Variants in GRID2 observed in about 807,000 individuals in gnomAD.
GRID2 encodes the protein glutamate ionotropic receptor delta type subunit 2.
A neutral mutation model predicts 114.8 loss-of-function variants in GRID2; 33 were observed. The ratio of observed to expected loss-of-function variants is 0.29; its 90% CI spans 0.22 to 0.38. The LOEUF (loss-of-function observed/expected upper bound fraction) is 0.38. Among genes scored for constraint, GRID2 ranks in the 10% least tolerant of loss-of-function variants. The pLI is 1.00. For missense variants in GRID2, 1,184 were observed against 1,257.7 expected (o/e 0.94, Z 0.89); for synonymous variants, 505 against 449.9 (o/e 1.12, Z -1.55).
chr4:93,156,750 G>A (rs950524202), intron 4 of GRID2, among the ~76,000 whole-genome samples: 1 of 151,668 alleles, frequency 6.6e-6, no homozygotes, highest in African/African-American at 2.4e-5. Context: ...GTAGACAGTT[G>A]AATGTATGAA....
chr4:93,669,016 A>G lies in GRID2; in HGVS notation c.2360+42581A>G, dbSNP rs1163047844. ...TATAGTAGGTACAAAATAGTTTGGC[A>G]TGCTTAGTAAGTGATATCTCATGAG... is the stretch of plus-strand genomic sequence containing the variant. On this transcript the variant is annotated intron_variant, in intron 14 of 15. Coordinates refer to ENST00000282020, the MANE Select transcript of GRID2 (RefSeq NM_001510.4). Among the ~76,000 whole-genome samples the G allele has an allele frequency of 3.3e-5, 5 of 152,162 alleles. 1 individual carries two copies. In the South Asian group the frequency reaches 8.3e-4, roughly 25 times the overall value.
intron 2 of GRID2, among the ~76,000 whole-genome samples, chr4:92,734,463 T>A (rs958199950): frequency 1.4e-4 from 22 of 151,966 alleles, no homozygotes; most frequent in Non-Finnish European, 2.5e-4. Context: ...TTTTCCTTTT[T>A]TATAAAGATA....
intron 1 of GRID2, among the ~76,000 whole-genome samples, chr4:93,792,291 C>G (rs1294558943): frequency 6.6e-6 from 1 of 152,074 alleles, no homozygotes; most frequent in Non-Finnish European, 1.5e-5. Context: ...ATGCCTGTTC[C>G]TACTGAAAGT....
chr4:92,539,197 A>G (rs1725804599), intron 1 of GRID2, among the ~76,000 whole-genome samples: 1 of 152,184 alleles, frequency 6.6e-6, no homozygotes, highest in Non-Finnish European at 1.5e-5. Flanking sequence ...GATAGATAAC[A>G]TAACACAATA....
At chr4:92,876,557 G>A (rs967688769) in intron 2 of GRID2, among the ~76,000 whole-genome samples, 17 of 151,976 alleles carry the variant, frequency 1.1e-4, no homozygotes, top group Admixed American at 4.6e-4. Flanking sequence ...CGCCCACCTC[G>A]GCCTCCCAAA....
At chr4:92,625,781 G>A (rs1040327547) in intron 2 of GRID2, among the ~76,000 whole-genome samples, 8 of 151,932 alleles carry the variant, frequency 5.3e-5, no homozygotes, top group Non-Finnish European at 8.8e-5. Context: ...GTAAAATTGC[G>A]ACTGTTTCTC....
intron 1 of GRID2, among the ~76,000 whole-genome samples, chr4:92,437,371 C>T (rs1446310928): frequency 6.6e-6 from 1 of 152,178 alleles, no homozygotes; most frequent in Non-Finnish European, 1.5e-5. Flanking sequence ...CCTCCCCCAC[C>T]CAGGTTCAAG....
intron 8 of GRID2, among the ~76,000 whole-genome samples, chr4:93,334,271 A>G (rs1334104529): frequency 1.3e-5 from 2 of 152,150 alleles, no homozygotes; most frequent in Non-Finnish European, 2.9e-5. Flanking sequence ...CAAATTATTA[A>G]TGCCCTTGTA....
chr4:93,543,726 G>GAGAGAGAT (rs1732898972), intron 13 of GRID2, among the ~76,000 whole-genome samples: 1 of 151,598 alleles, frequency 6.6e-6, no homozygotes, highest in East Asian at 1.9e-4. Context: ...GAGAGAGAGA[G>GAGAGAGAT]AGAGAGAGAG....
At chr4:92,879,146 A>T (rs1745827906) in intron 2 of GRID2, among the ~76,000 whole-genome samples, 1 of 152,188 alleles carries the variant, frequency 6.6e-6, no homozygotes, top group African/African-American at 2.4e-5. Flanking sequence ...TAGAAAAAAG[A>T]TATAAAATAT....
At chr4:92,558,947 C>T (rs1726992170) in intron 1 of GRID2, among the ~76,000 whole-genome samples, 1 of 152,062 alleles carries the variant, frequency 6.6e-6, no homozygotes, top group African/African-American at 2.4e-5. Context: ...CTGAGTCAAA[C>T]CTTTAATAAA....
intron 8 of GRID2, among the ~76,000 whole-genome samples, chr4:93,372,344 G>T (rs1763007678): frequency 6.9e-6 from 1 of 145,926 alleles, no homozygotes; most frequent in South Asian, 2.3e-4. Flanking sequence ...AACTACATAT[G>T]CACAAATGAC....
At chr4:93,698,720 G>T (rs1252091390) in intron 14 of GRID2, among the ~76,000 whole-genome samples, 1 of 151,992 alleles carries the variant, frequency 6.6e-6, no homozygotes, top group African/African-American at 2.4e-5. Context: ...CTGTAAATTT[G>T]TGTTAGTCCA....
intron 4 of GRID2, among the ~76,000 whole-genome samples, chr4:93,131,145 AT>A (rs34215461): frequency 9.0e-4 from 80 of 88,754 alleles, no homozygotes; most frequent in Admixed American, 1.6e-3. Flanking sequence ...AGATTAAATA[AT>A]TTTTTTTTTT....
At chr4:92,315,993 CAAAAAAAA>C (rs778361565) in intron 1 of GRID2, among the ~76,000 whole-genome samples, 1 of 61,916 alleles carries the variant, frequency 1.6e-5, no homozygotes, top group African/African-American at 6.1e-5. Context: ...AAACAAAAAG[CAAAAAAAA>C]AAAAAAAAAA....
Position 92,957,959 on chromosome 4 carries a change from A to G in GRID2, c.245-127036A>G, listed in dbSNP as rs539726368. ...GGTTTCAGATTCCTCTTGTTCATTC[A>G]TGGCATATAGGAAAGTGATTAACTT... On this transcript the variant is annotated intron_variant, in intron 2 of 15. Coordinates refer to ENST00000282020, the MANE Select transcript of GRID2 (RefSeq NM_001510.4). 8.5e-5 allele frequency among the ~76,000 whole-genome samples: 13 copies of G among 152,128 alleles called. No homozygotes were observed. The South Asian group carries it at 2.7e-3, about 31-fold the overall frequency.
At chr4:93,758,391 T>C (rs532665039) in intron 14 of GRID2, among the ~76,000 whole-genome samples, 1 of 152,306 alleles carries the variant, frequency 6.6e-6, no homozygotes, top group South Asian at 2.1e-4. Context: ...TTAAAATATG[T>C]ATCAGTGTAC....
At chr4:92,405,302 GTTA>G (rs1208448764) in intron 1 of GRID2, among the ~76,000 whole-genome samples, 12 of 152,136 alleles carry the variant, frequency 7.9e-5, no homozygotes, top group Non-Finnish European at 1.8e-4. Context: ...TGACTGGCAT[GTTA>G]TTAATGCACA....
chr4:93,395,502 A>T, intron 8 of GRID2, 105 bp from the exon 9 acceptor site: 1 of 597,610 alleles, frequency 1.7e-6, no homozygotes, highest in Non-Finnish European at 3.1e-6. Context: ...CTCTTTCCAT[A>T]CCAATTATTC....
Sources: allele counts gnomAD v4.1 joint callset (sites outside exome capture counted in the v4.1 genomes callset), GRCh38; gene constraint gnomAD v4.1.1; transcripts MANE v1.5; gene names NCBI Gene and HGNC (gene_info 2026-07-23, HGNC 2026-07-21).